WASHC4: variants seen among roughly 807,000 people sequenced by gnomAD.
WASHC4 encodes the protein WASH complex subunit 7.
WASHC4 carries 86 observed loss-of-function variants against 166.6 expected under a neutral mutation model. The ratio of observed to expected loss-of-function variants is 0.52; its 90% CI spans 0.43 to 0.62. WASHC4 has a LOEUF of 0.62. WASHC4 is among the 20% of genes least tolerant of loss of function. The pLI, the probability that WASHC4 is intolerant of heterozygous loss-of-function variation, is 0.00. For synonymous variants in WASHC4, 446 were observed against 451.6 expected (o/e 0.99, Z 0.16); for missense variants, 1,262 against 1,382.4 (o/e 0.91, Z 1.38).
At position 105,169,103 on chromosome 12, in the gene WASHC4, A is replaced by G. The variant is rs1033346171; in HGVS notation, c.*2172A>G. 6.6e-6 allele frequency: 1 copy of G among 152,604 alleles called. No individual in the cohort carries two copies. Among genetic ancestry groups the G allele is most frequent in the Non-Finnish European group, 1.5e-5 (1 of 68,016 alleles). 9.5% of individuals were successfully genotyped at this position (152,604 alleles called of 1,614,324 possible). A position where few individuals can be genotyped will look rare whatever the true frequency, so the allele number is the denominator to read the frequency against. On this transcript the variant is annotated 3_prime_UTR_variant, in exon 33 of 33. Transcript: ENST00000332180. ...TCTAAGAGAATATAATGTGTATACT[A>G]AAACATTAATAAACATAATTTTGAA...
intron 7 of WASHC4, among the ~76,000 whole-genome samples, chr12:105,120,002 C>T (rs183856088): frequency 2.6e-5 from 4 of 151,952 alleles, no homozygotes; most frequent in African/African-American, 7.3e-5. Flanking sequence ...AGGCAAGAGG[C>T]GGGAGGATAG....
rs1295555684 is a variant in WASHC4 at position 105,140,282 on chromosome 12, G to T, written c.1453-12G>T. On this transcript the variant is annotated splice_polypyrimidine_tract_variant and intron_variant, in intron 15 of 32. Coordinates refer to ENST00000332180, the MANE Select transcript of WASHC4 (RefSeq NM_015275.3). ...AGTTGATTGTCAGAAAATTATTTCTGATTCTTTTTAGGCAATAGAGCATAT... is the reference window on the plus strand; with the variant it reads ...AGTTGATTGTCAGAAAATTATTTCTTATTCTTTTTAGGCAATAGAGCATAT... The T allele has an allele frequency of 1.3e-6, 2 of 1,589,668 alleles. No homozygotes were observed. The highest frequency in any genetic ancestry group is 2.2e-5 in the South Asian group (2 of 90,574).
At chr12:105,134,824 T>C (rs1882167554) in intron 14 of WASHC4, among the ~76,000 whole-genome samples, 1 of 151,848 alleles carries the variant, frequency 6.6e-6, no homozygotes, top group African/African-American at 2.4e-5. Flanking sequence ...ATTGTTGATA[T>C]ATTTGGTTTT....
At chr12:105,161,857 G>A (rs1453839751) in intron 29 of WASHC4, among the ~76,000 whole-genome samples, 8 of 152,168 alleles carry the variant, frequency 5.3e-5, no homozygotes, top group Non-Finnish European at 1.2e-4. Context: ...TTCTAGAGCT[G>A]TGCTATCCAT....
chr12:105,116,771 A>G (rs1880223772), intron 6 of WASHC4, among the ~76,000 whole-genome samples: 1 of 152,214 alleles, frequency 6.6e-6, no homozygotes, highest in African/African-American at 2.4e-5. Context: ...TTCAATATAG[A>G]GAATTGGTTA....
chr12:105,164,854 C>T (rs1212188239), intron 32 of WASHC4, 114 bp downstream of exon 32: 3 of 718,110 alleles, frequency 4.2e-6, no homozygotes, highest in Admixed American at 5.1e-5. Flanking sequence ...GAAAATAACA[C>T]AGACCTAGCA....
chr12:105,121,901 T>C (rs931091008), intron 9 of WASHC4, among the ~76,000 whole-genome samples: 2 of 152,202 alleles, frequency 1.3e-5, no homozygotes, highest in Non-Finnish European at 2.9e-5. Flanking sequence ...TGAGTACTTA[T>C]TAAATGTCTG....
rs779202768 is a variant in WASHC4, at chr12:105,152,464, A to G, written c.2758+13A>G. The G allele has an allele frequency of 1.4e-6, 2 of 1,414,938 alleles. No individual in the cohort carries two copies. The highest frequency in any genetic ancestry group is 1.4e-5 in the African/African-American group (1 of 70,882). The allele number at this position is 1,414,938 out of a possible 1,614,324, so 87.6% of individuals were successfully genotyped here. A position where few individuals can be genotyped will look rare whatever the true frequency, so the allele number is the denominator to read the frequency against. ...ATCAGCCAGATTGGTAAGTTATGAT[A>G]AAAGTGTTGGGAAATCAGGTACAGA... is the stretch of plus-strand genomic sequence containing the variant. On this transcript the variant is annotated intron_variant, in intron 26 of 32. Coordinates refer to ENST00000332180, the MANE Select transcript of WASHC4 (RefSeq NM_015275.3).
At chr12:105,128,981 T>C (rs1021069898) in intron 13 of WASHC4, among the ~76,000 whole-genome samples, 10 of 150,682 alleles carry the variant, frequency 6.6e-5, no homozygotes, top group Non-Finnish European at 1.3e-4. Flanking sequence ...AGTCTCCCTG[T>C]GTCGCCCAGG....
At chr12:105,146,207 A>G (rs1429353857) in intron 22 of WASHC4, among the ~76,000 whole-genome samples, 7 of 152,114 alleles carry the variant, frequency 4.6e-5, no homozygotes, top group Admixed American at 4.6e-4. Context: ...TGGGTCATGG[A>G]TCTTTTAATA....
intron 13 of WASHC4, among the ~76,000 whole-genome samples, chr12:105,132,938 A>T (rs1415776756): frequency 6.6e-6 from 1 of 151,994 alleles, no homozygotes; most frequent in Non-Finnish European, 1.5e-5. Context: ...TCAGGCTGTC[A>T]TCCTCTTTCT....
intron 24 of WASHC4, chr12:105,147,983 CTG>C: frequency 3.0e-6 from 3 of 984,738 alleles, no homozygotes; most frequent in Non-Finnish European, 3.6e-6. Context: ...ATTTTTCTGT[CTG>C]TGGAAAAAGA....
At chr12:105,108,744 T>G (rs1879335266) in intron 1 of WASHC4, among the ~76,000 whole-genome samples, 1 of 152,118 alleles carries the variant, frequency 6.6e-6, no homozygotes, top group Non-Finnish European at 1.5e-5. Flanking sequence ...TGTGATTTTT[T>G]TTTTCCCTCA....
chr12:105,143,298 G>C (rs200574760), intron 20 of WASHC4, 55 bp downstream of exon 20: 125 of 1,064,134 alleles, frequency 1.2e-4, no homozygotes, highest in Admixed American at 1.6e-4. Context: ...TGTAGTGTTT[G>C]GAAAAAAAAT....
chr12:105,158,839 A>G (rs1884322745), intron 28 of WASHC4, among the ~76,000 whole-genome samples: 1 of 152,232 alleles, frequency 6.6e-6, no homozygotes, highest in Non-Finnish European at 1.5e-5. Flanking sequence ...TCAGAAAAAT[A>G]GAGAAAACAG....
At chr12:105,164,824 C>A in intron 32 of WASHC4, 84 bp downstream of exon 32, 1 of 903,498 alleles carries the variant, frequency 1.1e-6, no homozygotes, top group Non-Finnish European at 1.8e-6. Context: ...GGTCAGACAT[C>A]TAGCTTCTTT....
chr12:105,141,630 T>G (rs1242579986), intron 18 of WASHC4, among the ~76,000 whole-genome samples: 1 of 152,238 alleles, frequency 6.6e-6, no homozygotes, highest in Non-Finnish European at 1.5e-5. Context: ...GATTTTATTT[T>G]AAGACACGAA....
At chr12:105,162,688 A>G in intron 29 of WASHC4, 61 bp from the exon 30 acceptor site, 1 of 817,184 alleles carries the variant, frequency 1.2e-6, no homozygotes, top group Non-Finnish European at 2.1e-6. Context: ...TGTCTGTTAT[A>G]GGAATTCTGA....
intron 13 of WASHC4, among the ~76,000 whole-genome samples, chr12:105,129,444 G>T (rs1484139754): frequency 6.6e-6 from 1 of 152,162 alleles, no homozygotes; most frequent in Non-Finnish European, 1.5e-5. Context: ...TACAAGTGCA[G>T]GTTTGTTACA....
Sources: gnomAD v4.1 joint callset for allele counts (sites outside exome capture counted in the v4.1 genomes callset) on GRCh38, gnomAD v4.1.1 for gene constraint, MANE v1.5 for transcripts, NCBI Gene and HGNC (gene_info 2026-07-23, HGNC 2026-07-21) for gene names.